Variants in GNB4 observed in about 807,000 individuals in gnomAD.
The protein encoded by GNB4 is G protein subunit beta 4, also known as guanine nucleotide-binding protein subunit beta-4.
In GNB4, 28 loss-of-function variants were observed where a neutral mutation model predicts 45.2. The observed-to-expected ratio is 0.62, with a 90% confidence interval of 0.46 to 0.85. The LOEUF (loss-of-function observed/expected upper bound fraction) is 0.85, where lower values mean the gene tolerates loss of function less well. Among genes scored for constraint, GNB4 ranks in the 40% least tolerant of loss-of-function variants. GNB4 has a pLI of 0.00. For missense variants in GNB4, 321 were observed against 425.4 expected (o/e 0.75, Z 2.16); for synonymous variants, 132 against 143.7 (o/e 0.92, Z 0.58).
chr3:179,436,682 T>C (rs2108613844), intron 1 of GNB4, among the ~76,000 whole-genome samples: 1 of 152,328 alleles, frequency 6.6e-6, no homozygotes, highest in Non-Finnish European at 1.5e-5. Context: ...TGGCTTTCTT[T>C]CTCAGGAAGT....
chr3:179,464,822 A>G, the GNB4 span: 1 of 1,344,436 alleles, frequency 7.4e-7, no homozygotes, highest in Admixed American at 1.7e-5. Flanking sequence ...CTTTCATGTA[A>G]TTAATGCAGG....
rs575055526 is a variant in GNB4, at chr3:179,399,736, C to T, written c.*1477G>A. 2.5e-4 allele frequency: 38 copies of T among 152,256 alleles called. No individual in the cohort carries two copies. The highest frequency in any genetic ancestry group is 9.1e-4 in the African/African-American group (38 of 41,550). 9.4% of individuals were successfully genotyped at this position (152,256 alleles called of 1,614,324 possible). A position where few individuals can be genotyped will look rare whatever the true frequency, so the allele number is the denominator to read the frequency against. On this transcript the variant is annotated 3_prime_UTR_variant, in exon 10 of 10. Coordinates refer to ENST00000232564, the MANE Select transcript of GNB4 (RefSeq NM_021629.4). Reference sequence around the variant, plus strand: ...TTGGGAGTATTTAGGTTAAGTTACACATGTTCAAAAGTTAACACAGACCTA... The same window carrying T: ...TTGGGAGTATTTAGGTTAAGTTACATATGTTCAAAAGTTAACACAGACCTA...
chr3:179,469,110 G>C, the GNB4 span, among the ~76,000 whole-genome samples: 3 of 152,274 alleles, frequency 2.0e-5, no homozygotes, highest in African/African-American at 7.2e-5. Flanking sequence ...TTCTCTTGGA[G>C]TTGTATCCTT....
the GNB4 span, among the ~76,000 whole-genome samples, chr3:179,459,953 TTCAA>T: frequency 6.6e-6 from 1 of 152,210 alleles, no homozygotes; most frequent in African/African-American, 2.4e-5. Flanking sequence ...CACCAATTCA[TTCAA>T]TCTGGAAACA....
chr3:179,454,281 G>A (rs1464051836), upstream of GNB4, among the ~76,000 whole-genome samples: 6 of 152,132 alleles, frequency 3.9e-5, no homozygotes, highest in Non-Finnish European at 8.8e-5. Flanking sequence ...ATCCTTGTCC[G>A]TTTCATCTTT....
chr3:179,516,633 C>T, the GNB4 span, among the ~76,000 whole-genome samples: 10 of 152,202 alleles, frequency 6.6e-5, no homozygotes, highest in East Asian at 1.9e-4. Context: ...TTTTAAGAGG[C>T]GGGCTAGCGG....
the GNB4 span, among the ~76,000 whole-genome samples, chr3:179,519,621 C>T: frequency 9.2e-5 from 14 of 152,154 alleles, no homozygotes; most frequent in Non-Finnish European, 1.9e-4. Flanking sequence ...CCTTATTAGG[C>T]CGAGACATTT....
At chr3:179,526,020 A>G in the GNB4 span, among the ~76,000 whole-genome samples, 4 of 152,282 alleles carry the variant, frequency 2.6e-5, no homozygotes, top group East Asian at 7.7e-4. Flanking sequence ...AAGGCTGTTT[A>G]TTTCACCTGG....
chr3:179,464,304 A>G, the GNB4 span: 9 of 585,860 alleles, frequency 1.5e-5, no homozygotes, highest in African/African-American at 1.7e-4. Flanking sequence ...ACTAAAAATT[A>G]AAAATATTAA....
intron 1 of GNB4, among the ~76,000 whole-genome samples, chr3:179,428,769 G>C (rs1715220160): frequency 6.6e-6 from 1 of 152,084 alleles, no homozygotes; most frequent in African/African-American, 2.4e-5. Flanking sequence ...CTGAGCCCAG[G>C]CTGGGTCTCA....
chr3:179,462,941 GA>G, the GNB4 span, among the ~76,000 whole-genome samples: 276 of 152,190 alleles, frequency 1.8e-3, 1 homozygote, highest in Non-Finnish European at 2.7e-3. Flanking sequence ...CCTCATTTGT[GA>G]ATAGCAAAAA....
At chr3:179,519,556 C>A in the GNB4 span, among the ~76,000 whole-genome samples, 1 of 152,194 alleles carries the variant, frequency 6.6e-6, no homozygotes, top group Non-Finnish European at 1.5e-5. Context: ...CTGGTGCCAA[C>A]TTGGACAACA....
chr3:179,482,429 A>G, the GNB4 span, among the ~76,000 whole-genome samples: 3 of 152,152 alleles, frequency 2.0e-5, no homozygotes, highest in African/African-American at 7.2e-5. Context: ...TTCATCTGTG[A>G]ACTTTGTTAA....
chr3:179,468,266 T>G, the GNB4 span, among the ~76,000 whole-genome samples: 1 of 150,970 alleles, frequency 6.6e-6, no homozygotes, highest in Admixed American at 6.6e-5. Flanking sequence ...GAGGCTGAGG[T>G]GGGTGGATCA....
At chr3:179,432,542 G>C (rs1212460035) in intron 1 of GNB4, among the ~76,000 whole-genome samples, 1 of 152,166 alleles carries the variant, frequency 6.6e-6, no homozygotes, top group Non-Finnish European at 1.5e-5. Context: ...AAAGGCCATA[G>C]GATGCCCCAG....
chr3:179,488,083 A>G, the GNB4 span, among the ~76,000 whole-genome samples: 1 of 151,096 alleles, frequency 6.6e-6, no homozygotes, highest in Non-Finnish European at 1.5e-5. Context: ...CAGCTCATCC[A>G]CTGACAGACA....
intron 1 of GNB4, among the ~76,000 whole-genome samples, chr3:179,438,242 T>C (rs193049867): frequency 6.6e-6 from 1 of 152,336 alleles, no homozygotes; most frequent in East Asian, 1.9e-4. Flanking sequence ...TAGGTACCAG[T>C]ATCATTCTCA....
intron 9 of GNB4, among the ~76,000 whole-genome samples, chr3:179,402,672 A>C (rs1714336817): frequency 6.6e-6 from 1 of 152,252 alleles, no homozygotes; most frequent in Non-Finnish European, 1.5e-5. Context: ...ATGAACCCCA[A>C]AATACTGAGT....
At chr3:179,414,864 A>G (rs1179620673) in intron 6 of GNB4, 21 bp downstream of exon 6, 3 of 1,545,310 alleles carry the variant, frequency 1.9e-6, no homozygotes, top group African/African-American at 2.7e-5. Flanking sequence ...GTGGTGGGAA[A>G]GAATATTTAG....
Sources: allele counts gnomAD v4.1 joint callset (sites outside exome capture counted in the v4.1 genomes callset), GRCh38; gene constraint gnomAD v4.1.1; transcripts MANE v1.5; gene names NCBI Gene and HGNC (gene_info 2026-07-23, HGNC 2026-07-21).